Variants in R3HDM1 observed in about 807,000 individuals in gnomAD.
R3HDM1 encodes the protein R3H domain containing 1, also known as R3H domain-containing protein 1.
A neutral mutation model predicts 141.1 loss-of-function variants in R3HDM1; 46 were observed. The observed-to-expected ratio is 0.33, with a 90% CI of 0.26 to 0.42. The LOEUF (loss-of-function observed/expected upper bound fraction) is 0.42, where lower values mean the gene tolerates loss of function less well. Among genes scored for constraint, R3HDM1 ranks in the 10% least tolerant of loss-of-function variants. The pLI, the probability that R3HDM1 is intolerant of heterozygous loss-of-function variation, is 1.00. For synonymous variants in R3HDM1, 435 were observed against 472.9 expected, an observed-to-expected ratio of 0.92 and a Z score of 1.04; for missense variants, 1,184 against 1,368.3, an observed-to-expected ratio of 0.87 and a Z score of 2.12.
In R3HDM1 at chr2:135,649,899, T is replaced by C. The variant is rs536356828; in HGVS notation, c.1624-3T>C. 2.4e-5 allele frequency: 30 copies of C among 1,246,200 alleles called. No homozygotes were observed. The highest frequency in any genetic ancestry group is 3.0e-5 in the Non-Finnish European group (29 of 959,218). 77.2% of individuals were successfully genotyped at this position (1,246,200 alleles called of 1,614,324 possible). A position where few individuals can be genotyped will look rare whatever the true frequency, so the allele number is the denominator to read the frequency against. ...CATTGTTTGCCAACCTGTTATTCTT[T>C]AGCCTGTTCATCCTCTGCAGTCCTC... On this transcript the variant is annotated splice_region_variant and splice_polypyrimidine_tract_variant and intron_variant, in intron 16 of 26. Coordinates refer to ENST00000683871, the MANE Select transcript of R3HDM1 (RefSeq NM_001378107.1).
intron 21 of R3HDM1, among the ~76,000 whole-genome samples, chr2:135,688,648 T>C (rs1354755937): frequency 6.6e-6 from 1 of 152,200 alleles, no homozygotes; most frequent in East Asian, 1.9e-4. Flanking sequence ...CAAGAAATAC[T>C]GCGAAGGGCC....
chr2:135,572,024 C>T (rs1704231941), intron 1 of R3HDM1, among the ~76,000 whole-genome samples: 1 of 152,236 alleles, frequency 6.6e-6, no homozygotes. Flanking sequence ...GGTGCCATCT[C>T]GGCTCACTGC....
intron 23 of R3HDM1, among the ~76,000 whole-genome samples, chr2:135,714,182 T>TA (rs2075945677): frequency 6.6e-6 from 1 of 152,180 alleles, no homozygotes; most frequent in Admixed American, 6.5e-5. Flanking sequence ...GGCACCATGT[T>TA]AACAAAGCAG....
intron 18 of R3HDM1, among the ~76,000 whole-genome samples, chr2:135,653,010 T>C (rs905534406): frequency 2.6e-5 from 4 of 151,952 alleles, no homozygotes; most frequent in Admixed American, 2.6e-4. Flanking sequence ...TTTTTTGTTT[T>C]TTATTAATTT....
At chr2:135,697,746 C>T (rs1236264058) in intron 21 of R3HDM1, among the ~76,000 whole-genome samples, 2 of 151,956 alleles carry the variant, frequency 1.3e-5, no homozygotes, top group African/African-American at 4.8e-5. Context: ...TAAAATTATA[C>T]AAGAAATAAA....
rs911009655 is a variant in R3HDM1, at chr2:135,630,281, C to CAAAAAAAAAAAAAA, written c.498-1423_498-1410dup. On this transcript the variant is annotated intron_variant, in intron 7 of 26. Transcript: ENST00000683871. ...AACAAGAGCGAAACTCCTTCTCAAC[C>CAAAAAAAAAAAAAA]AAAAAAAAAAAAAAAAAAAAAAAAA... 2.0e-3 allele frequency among the ~76,000 whole-genome samples: 77 copies of CAAAAAAAAAAAAAA among 39,318 alleles called. 8 individuals are homozygous for CAAAAAAAAAAAAAA. The highest frequency in any genetic ancestry group is 3.3e-3 in the African/African-American group (36 of 10,824). The allele number at this position is 39,318 out of a possible 152,430, so 25.8% of individuals were successfully genotyped here. A position where few individuals can be genotyped will look rare whatever the true frequency, so the allele number is the denominator to read the frequency against.
At chr2:135,658,251 C>T (rs948765144) in intron 18 of R3HDM1, among the ~76,000 whole-genome samples, 7 of 152,114 alleles carry the variant, frequency 4.6e-5, no homozygotes, top group Middle Eastern at 3.2e-3. Flanking sequence ...CCACAACTTC[C>T]GCCTCCCTGG....
chr2:135,654,427 TTTGTTGTTG>T lies in R3HDM1; in HGVS notation c.2028+2429_2028+2437del, dbSNP rs35477275. 4.6e-3 allele frequency among the ~76,000 whole-genome samples: 684 copies of T among 149,214 alleles called. 6 individuals carry two copies. The highest frequency in any genetic ancestry group is 6.5e-3 in the Non-Finnish European group (441 of 67,446). ...TTAATTGAAATTTGGAATGTTTTCT[TTTGTTGTTG>T]TTGTTGTTGTTGTTGTTGTTGTTGT... On this transcript the variant is annotated intron_variant, in intron 18 of 26. Transcript: ENST00000683871.
At position 135,645,522 on chromosome 2, in the gene R3HDM1, T is replaced by C; in HGVS notation, c.1618T>C (p.Ser540Pro). Residue 540 changes from serine to proline, a missense_variant, in exon 16 of 27, where the codon TCA becomes CCA. By Grantham distance (74) the Ser-to-Pro change is moderately conservative (BLOSUM62 -1). Coordinates refer to ENST00000683871, the MANE Select transcript of R3HDM1 (RefSeq NM_001378107.1). ...PQQPAANHIFSQPVHPLQSSS... is the reference protein window; with the variant it reads ...PQQPAANHIFPQPVHPLQSSS... The stretch of plus-strand genomic sequence containing the variant: ...ACAACCAGCAGCTAATCACATTTTC[T>C]CACAGGTGCACATATCCATGATTAC... 1 of 1,613,948 alleles carries C rather than the reference T, an allele frequency of 6.2e-7. No individual in the cohort carries two copies. Among genetic ancestry groups the C allele is most frequent in the Non-Finnish European group, 8.5e-7 (1 of 1,179,938 alleles).
chr2:135,643,869 C>A (rs999062542), intron 15 of R3HDM1, among the ~76,000 whole-genome samples: 1 of 152,138 alleles, frequency 6.6e-6, no homozygotes, highest in African/African-American at 2.4e-5. Flanking sequence ...GAACAGAAAA[C>A]CAAATATCAC....
At position 135,724,500 on chromosome 2, in the gene R3HDM1, TAC is replaced by T. The variant is rs1271440639; in HGVS notation, c.*210_*211del. 4.2e-6 allele frequency: 2 copies of T among 475,334 alleles called. No homozygotes were observed. The highest frequency in any genetic ancestry group is 3.9e-5 in the African/African-American group (2 of 51,492). The allele number at this position is 475,334 out of a possible 1,614,324, so 29.4% of individuals were successfully genotyped here. On this transcript the variant is annotated 3_prime_UTR_variant, in exon 27 of 27. Coordinates refer to ENST00000683871, the MANE Select transcript of R3HDM1 (RefSeq NM_001378107.1). ...TGACTAGGAATCCACATCAGAATGA[TAC>T]AGAGTTAGCAGGTTTTTCTAAGGAA...
intron 1 of R3HDM1, among the ~76,000 whole-genome samples, chr2:135,538,650 A>G (rs1008044888): frequency 1.3e-5 from 2 of 152,166 alleles, no homozygotes; most frequent in Admixed American, 6.5e-5. Flanking sequence ...TCTCGTCACC[A>G]TCACCCAGAC....
intron 18 of R3HDM1, among the ~76,000 whole-genome samples, chr2:135,653,933 G>A (rs888593351): frequency 1.3e-5 from 2 of 152,132 alleles, no homozygotes; most frequent in African/African-American, 4.8e-5. Flanking sequence ...GGGTTCTTTT[G>A]TGGGGCAGGG....
At chr2:135,670,306 G>A in intron 19 of R3HDM1, 1 of 985,122 alleles carries the variant, frequency 1.0e-6, no homozygotes, top group East Asian at 1.1e-4. Context: ...AGCAGACACA[G>A]GAAGCTGACA....
chr2:135,630,788 T>C (rs2062630039), intron 7 of R3HDM1, among the ~76,000 whole-genome samples: 1 of 152,152 alleles, frequency 6.6e-6, no homozygotes, highest in Admixed American at 6.5e-5. Flanking sequence ...TGCTTTTAGC[T>C]TTAAGTTTCT....
At chr2:135,554,727 A>G (rs1308634169) in intron 1 of R3HDM1, among the ~76,000 whole-genome samples, 1 of 152,222 alleles carries the variant, frequency 6.6e-6, no homozygotes, top group East Asian at 1.9e-4. Context: ...AAAATGCCAC[A>G]TGAACATGAA....
intron 1 of R3HDM1, among the ~76,000 whole-genome samples, chr2:135,582,340 T>C (rs1027225527): frequency 6.6e-6 from 1 of 152,126 alleles, no homozygotes; most frequent in Admixed American, 6.5e-5. Context: ...AATAAATAAA[T>C]AAATACAAAT....
At chr2:135,595,395 C>A (rs1369063219) in intron 1 of R3HDM1, among the ~76,000 whole-genome samples, 3 of 152,170 alleles carry the variant, frequency 2.0e-5, no homozygotes, top group African/African-American at 7.2e-5. Context: ...ACATGGAGTA[C>A]AGGTAGTGGC....
chr2:135,562,573 G>A (rs1316232930), intron 1 of R3HDM1, among the ~76,000 whole-genome samples: 1 of 152,122 alleles, frequency 6.6e-6, no homozygotes, highest in Non-Finnish European at 1.5e-5. Context: ...CAAATTGAGA[G>A]TTCACTTACC....
Sources: allele counts gnomAD v4.1 joint callset (sites outside exome capture counted in the v4.1 genomes callset), GRCh38; gene constraint gnomAD v4.1.1; transcripts MANE v1.5; gene names NCBI Gene and HGNC (gene_info 2026-07-23, HGNC 2026-07-21).